CYLD: variants seen among roughly 807,000 people sequenced by gnomAD.
CYLD encodes the protein ubiquitin carboxyl-terminal hydrolase CYLD.
A neutral mutation model predicts 104.5 loss-of-function variants in CYLD; 26 were observed. That is an observed-to-expected ratio of 0.25 (90% confidence interval 0.18 to 0.35). The LOEUF is 0.35. Ranked by LOEUF, CYLD falls within the 10% of genes least tolerant of loss-of-function variation. The pLI, the probability that CYLD is intolerant of heterozygous loss-of-function variation, is 1.00. For synonymous variants in CYLD, 385 were observed against 399.9 expected (o/e 0.96, Z 0.45); for missense variants, 703 against 1,136.1 (o/e 0.62, Z 5.48).
In CYLD at chr16:50,801,896, A is replaced by G. The variant is rs1972488293; in HGVS notation, c.*5388A>G. On this transcript the variant is annotated 3_prime_UTR_variant, in exon 19 of 19. Transcript: ENST00000427738. ...TGCTGCTGTGGAAAGAAATGTACAT[A>G]TACTATTTCTGTATCATTAAAATTA... 8.7e-6 allele frequency: 2 copies of G among 231,128 alleles called. No individual in the cohort carries two copies. Among genetic ancestry groups the G allele is most frequent in the Non-Finnish European group, 1.7e-5 (2 of 116,550 alleles). The allele number at this position is 231,128 out of a possible 1,614,324, so 14.3% of individuals were successfully genotyped here. A position where few individuals can be genotyped will look rare whatever the true frequency, so the allele number is the denominator to read the frequency against.
chr16:50,791,525 G>A (rs771352255), intron 14 of CYLD, 33 bp from the exon 15 acceptor site: 2 of 1,611,774 alleles, frequency 1.2e-6, no homozygotes, highest in African/African-American at 1.3e-5. Context: ...TGATAAATAG[G>A]TTGTATGTAT....
chr16:50,755,184 TAC>T (rs1450432219), intron 5 of CYLD, among the ~76,000 whole-genome samples: 8 of 137,512 alleles, frequency 5.8e-5, no homozygotes, highest in Non-Finnish European at 1.3e-4. Context: ...TGTGTGTATA[TAC>T]ACACGTGTAC....
intron 2 of CYLD, among the ~76,000 whole-genome samples, chr16:50,749,143 A>G (rs1221030262): frequency 6.6e-6 from 1 of 152,260 alleles, no homozygotes; most frequent in East Asian, 1.9e-4. Context: ...TCTTGGCCAC[A>G]GTGAACTGTG....
chr16:50,773,378 G>T (rs1969346615), intron 5 of CYLD, among the ~76,000 whole-genome samples: 1 of 152,180 alleles, frequency 6.6e-6, no homozygotes, highest in East Asian at 1.9e-4. Flanking sequence ...GGATACTTTT[G>T]GTTTGGTTTC....
At chr16:50,761,420 ACT>A (rs1387533003) in intron 5 of CYLD, among the ~76,000 whole-genome samples, 1 of 151,870 alleles carries the variant, frequency 6.6e-6, no homozygotes, top group African/African-American at 2.4e-5. Context: ...CCAAATAGAA[ACT>A]CTATACTCAT....
At chr16:50,795,759 C>T (rs1455183784) in intron 18 of CYLD, 1 of 587,480 alleles carries the variant, frequency 1.7e-6, no homozygotes, top group Non-Finnish European at 3.0e-6. Flanking sequence ...CAGCGTAACA[C>T]AACAGCATAG....
Position 50,794,070 on chromosome 16 carries a change from G to A in CYLD, c.2470-142G>A, listed in dbSNP as rs1971722080. 3 of 724,090 alleles carry A rather than the reference G, an allele frequency of 4.1e-6. No homozygotes were observed. The highest frequency in any genetic ancestry group is 7.2e-6 in the Non-Finnish European group (3 of 418,350). 44.9% of individuals were successfully genotyped at this position (724,090 alleles called of 1,614,324 possible). Reference sequence around the variant, plus strand: ...AGCCTCCCGAGTAGCTGGGACTGCAGGCGCCTGCCACCACGCCCAGCTAAT... The same window carrying A: ...AGCCTCCCGAGTAGCTGGGACTGCAAGCGCCTGCCACCACGCCCAGCTAAT... On this transcript the variant is annotated intron_variant, in intron 17 of 18. Coordinates refer to ENST00000427738, the MANE Select transcript of CYLD (RefSeq NM_001378743.1). This position sits in a 1 kb window ranked among gnomAD's most constrained non-coding sequence, Gnocchi z 4.1.
rs989985159 is a variant in CYLD, at chr16:50,784,561, A to T, written c.1949+110A>T. Reference sequence around the variant, plus strand: ...CTTCATGTAATAAGAGATGGGTGAAAATTAGTTCTTATGGTAAAATATTAC... The same window carrying T: ...CTTCATGTAATAAGAGATGGGTGAATATTAGTTCTTATGGTAAAATATTAC... On this transcript the variant is annotated intron_variant, in intron 12 of 18. Transcript: ENST00000427738. The T allele has an allele frequency of 3.7e-5, 43 of 1,171,554 alleles. No individual in the cohort carries two copies. The African/African-American group carries it at 6.5e-4, about 18-fold the overall frequency. 72.6% of individuals were successfully genotyped at this position (1,171,554 alleles called of 1,614,324 possible). A position where few individuals can be genotyped will look rare whatever the true frequency, so the allele number is the denominator to read the frequency against.
rs370125851 is a variant in CYLD, at chr16:50,755,604, C to T, written c.913+1180C>T. ...GTGAGGTGGTATCACATTGTGGTTT[C>T]GATTTGCATTTCCCTGATAATTGAT... On this transcript the variant is annotated intron_variant, in intron 5 of 18. Coordinates refer to ENST00000427738, the MANE Select transcript of CYLD (RefSeq NM_001378743.1). Among the ~76,000 whole-genome samples the T allele has an allele frequency of 1.9e-3, 287 of 152,088 alleles. 3 individuals are homozygous for T. Among genetic ancestry groups the T allele is most frequent in the African/African-American group, 6.6e-3 (273 of 41,514 alleles).
In CYLD at chr16:50,779,985, G is replaced by A. The variant is rs2150991702; in HGVS notation, c.1459G>A (p.Val487Ile). 6.2e-7 allele frequency: 1 copy of A among 1,614,144 alleles called. No individual in the cohort carries two copies. Among genetic ancestry groups the A allele is most frequent in the Non-Finnish European group, 8.5e-7 (1 of 1,179,990 alleles). The change falls in exon 9 of 19, where the codon GTA (valine) becomes ATA (isoleucine). Residue 487 changes from valine (V) to isoleucine (I), a missense_variant. Val to Ile is a conservative substitution (Grantham distance 29, BLOSUM62 3). Coordinates refer to ENST00000427738, the MANE Select transcript of CYLD (RefSeq NM_001378743.1). Reference protein sequence around the residue: ...EVKENPPFYGVIRWIGQPPGL... With the variant: ...EVKENPPFYGIIRWIGQPPGL... Reference sequence around the variant, plus strand: ...TAAGGAGAACCCTCCTTTCTATGGGGTAATCCGTTGGATCGGTCAGCCACC... The same window carrying A: ...TAAGGAGAACCCTCCTTTCTATGGGATAATCCGTTGGATCGGTCAGCCACC...
At chr16:50,791,523 A>G (rs773516548) in intron 14 of CYLD, 35 bp from the exon 15 acceptor site, 6 of 1,611,390 alleles carry the variant, frequency 3.7e-6, no homozygotes, top group Non-Finnish European at 5.1e-6. Context: ...TTTGATAAAT[A>G]GGTTGTATGT....
At position 50,782,092 on chromosome 16, in the gene CYLD, A is replaced by G. The variant is rs2302760; in HGVS notation, c.1685-233A>G. Among the ~76,000 whole-genome samples the G allele has an allele frequency of 2.6e-3, 395 of 152,340 alleles. 5 individuals carry two copies. The highest frequency in any genetic ancestry group is 0.022 in the East Asian group (112 of 5,190). On this transcript the variant is annotated intron_variant, in intron 10 of 18. Coordinates refer to ENST00000427738, the MANE Select transcript of CYLD (RefSeq NM_001378743.1). ...ACTTGACAGATGCTTTTTACACATAATACTCTAAAGTGTGTTTTTAAATCT... is the reference window on the plus strand; with the variant it reads ...ACTTGACAGATGCTTTTTACACATAGTACTCTAAAGTGTGTTTTTAAATCT...
In CYLD at chr16:50,792,597, G is replaced by A. The variant is rs759323944; in HGVS notation, c.2242G>A (p.Ala748Thr). The change falls in exon 16 of 19, where the codon GCA becomes ACA. Residue 748 changes from alanine to threonine, a missense_variant and splice_region_variant. Transcript: ENST00000427738. ...FINSNLKFAE[A>T]PSCLIIQMPR... ...CTAAAAATATCTGTCTTTTTTATAGGCACCATCATGTCTGATTATTCAGAT... is the reference window on the plus strand; with the variant it reads ...CTAAAAATATCTGTCTTTTTTATAGACACCATCATGTCTGATTATTCAGAT... 13 of 1,595,614 alleles carry A rather than the reference G, an allele frequency of 8.1e-6. 1 individual carries two copies. In the South Asian group the frequency reaches 1.4e-4, roughly 18 times the overall value.
At chr16:50,780,700 G>A (rs1459399723) in intron 9 of CYLD, among the ~76,000 whole-genome samples, 1 of 152,116 alleles carries the variant, frequency 6.6e-6, no homozygotes, top group East Asian at 1.9e-4. Context: ...TGTATTTTTA[G>A]TAGAGACAGG....
At chr16:50,769,946 C>G (rs1968964108) in intron 5 of CYLD, among the ~76,000 whole-genome samples, 1 of 152,146 alleles carries the variant, frequency 6.6e-6, no homozygotes, top group Admixed American at 6.6e-5. Flanking sequence ...GCATAATTCT[C>G]TGGAGATTTA....
At position 50,795,758 on chromosome 16, in the gene CYLD, A is replaced by C. The variant is rs1423986287; in HGVS notation, c.2687-566A>C. 4 of 588,268 alleles carry C rather than the reference A, an allele frequency of 6.8e-6. No individual in the cohort carries two copies. In the African/African-American group the frequency reaches 7.5e-5, roughly 11 times the overall value. 36.4% of individuals were successfully genotyped at this position (588,268 alleles called of 1,614,324 possible). A position where few individuals can be genotyped will look rare whatever the true frequency, so the allele number is the denominator to read the frequency against. On this transcript the variant is annotated intron_variant, in intron 18 of 18. Coordinates refer to ENST00000427738, the MANE Select transcript of CYLD (RefSeq NM_001378743.1). ...TAACATTTGCACTAAACAGCGTAAC[A>C]CAACAGCATAGGTTTGGAAAAGCCA...
At position 50,793,674 on chromosome 16, in the gene CYLD, C is replaced by T. The variant is rs374473837; in HGVS notation, c.2469+10C>T. 3.5e-4 allele frequency: 541 copies of T among 1,536,902 alleles called. 1 individual carries two copies. The highest frequency in any genetic ancestry group is 1.3e-3 in the Middle Eastern group (8 of 5,926). On this transcript the variant is annotated intron_variant, in intron 17 of 18. Transcript: ENST00000427738. ...AACCTGCAACACTCAAGTGAGCTTC[C>T]CTTCACTTAATGGATAAACTTTTGT...
chr16:50,776,371 G>A lies in CYLD; in HGVS notation c.1021+94G>A. On this transcript the variant is annotated intron_variant, in intron 7 of 18. Transcript: ENST00000427738. ...ATTATAAGCTATTACTTCTGAACAT[G>A]TATGTAGACTTTTTTTCTTTCAAAC... 5.6e-6 allele frequency: 5 copies of A among 899,968 alleles called. No homozygotes were observed. The East Asian group carries it at 1.2e-4, about 22-fold the overall frequency. 55.7% of individuals were successfully genotyped at this position (899,968 alleles called of 1,614,324 possible). A position where few individuals can be genotyped will look rare whatever the true frequency, so the allele number is the denominator to read the frequency against.
intron 5 of CYLD, among the ~76,000 whole-genome samples, chr16:50,756,323 G>C (rs1221439354): frequency 6.6e-6 from 1 of 152,124 alleles, no homozygotes; most frequent in Non-Finnish European, 1.5e-5. Flanking sequence ...AAACTAGAAG[G>C]CTTTACACAG....
Sources: gnomAD v4.1 joint callset for allele counts (sites outside exome capture counted in the v4.1 genomes callset) on GRCh38, gnomAD v4.1.1 for gene constraint, Gnocchi (gnomAD v3.1) non-coding constraint, MANE v1.5 for transcripts, NCBI Gene and HGNC (gene_info 2026-07-23, HGNC 2026-07-21) for gene names.